CTNNA1: variants seen among roughly 807,000 people sequenced by gnomAD.
CTNNA1 encodes the protein catenin alpha-1.
Under a neutral mutation model 98.4 loss-of-function variants are expected in CTNNA1, and 37 were observed. That is an observed-to-expected ratio of 0.38 (90% confidence interval 0.29 to 0.49). CTNNA1 has a LOEUF of 0.49. Ranked by LOEUF, CTNNA1 falls within the 20% of genes least tolerant of loss-of-function variation. The pLI is 0.95. For synonymous variants in CTNNA1, 404 were observed against 413.2 expected (o/e 0.98, Z 0.27); for missense variants, 761 against 1,147.2 (o/e 0.66, Z 4.86).
intron 1 of CTNNA1, among the ~76,000 whole-genome samples, chr5:138,758,305 C>A (rs980921977): frequency 6.6e-6 from 1 of 150,468 alleles, no homozygotes; most frequent in Non-Finnish European, 1.5e-5. Flanking sequence ...GGGTTCATGC[C>A]GTTCTCCTGC....
intron 9 of CTNNA1, among the ~76,000 whole-genome samples, chr5:138,903,646 C>T (rs747815974): frequency 2.6e-5 from 4 of 152,070 alleles, no homozygotes; most frequent in African/African-American, 9.7e-5. Flanking sequence ...GATGGCTGGA[C>T]GGGAAGGTAA....
At chr5:138,848,346 T>A (rs943860391) in intron 7 of CTNNA1, among the ~76,000 whole-genome samples, 1 of 152,264 alleles carries the variant, frequency 6.6e-6, no homozygotes, top group African/African-American at 2.4e-5. Flanking sequence ...TTAACATTGC[T>A]ATAACTAATA....
chr5:138,778,382 A>G (rs538605612), intron 1 of CTNNA1, among the ~76,000 whole-genome samples: 2 of 152,300 alleles, frequency 1.3e-5, no homozygotes, highest in South Asian at 2.1e-4. Context: ...AGTTGAGGTT[A>G]TGTAATTTTC....
intron 5 of CTNNA1, among the ~76,000 whole-genome samples, chr5:138,812,963 C>T (rs929426190): frequency 6.6e-5 from 10 of 152,346 alleles, no homozygotes; most frequent in South Asian, 4.1e-4. Flanking sequence ...ATCAAGCTTA[C>T]GCTTTACATT....
chr5:138,930,984 A>C, intron 16 of CTNNA1, 49 bp downstream of exon 16: 1 of 1,227,028 alleles, frequency 8.1e-7, no homozygotes. Context: ...CCTGGGGCTC[A>C]GGCAGCCCAG....
At position 138,827,652 on chromosome 5, in the gene CTNNA1, A is replaced by G. The variant is rs1272529811; in HGVS notation, c.996A>G (p.Arg332=). Residue 332 remains arginine, a synonymous_variant, in exon 7 of 18, where the codon CGA becomes CGG. Coordinates refer to ENST00000302763, the MANE Select transcript of CTNNA1 (RefSeq NM_001903.5). ...GCACGCGTGATGACCGTCGTGAGCG[A>G]ATTGTGGCAGAGTGTAATGCTGTCC... ...SSCTRDDRRE[R]IVAECNAVRQ... is the part of the protein sequence containing the mutation. 4 of 1,614,090 alleles carry G rather than the reference A, an allele frequency of 2.5e-6. No homozygotes were observed. In the East Asian group the frequency reaches 8.9e-5, roughly 36 times the overall value.
At chr5:138,846,071 C>T (rs879292862) in intron 7 of CTNNA1, among the ~76,000 whole-genome samples, 2 of 152,056 alleles carry the variant, frequency 1.3e-5, no homozygotes, top group Non-Finnish European at 2.9e-5. Flanking sequence ...GGATTACAAG[C>T]GCCCACCACC....
Position 138,772,458 on chromosome 5 carries a change from T to C in CTNNA1, c.-2-9465T>C, listed in dbSNP as rs869312560. Among the ~76,000 whole-genome samples the C allele has an allele frequency of 1.9e-4, 29 of 152,232 alleles. No individual in the cohort carries two copies. The highest frequency in any genetic ancestry group is 5.3e-4 in the African/African-American group (22 of 41,462). Reference sequence around the variant, plus strand: ...GAAACTGTCAAGAGTTTAAAAGTTATTTGTTTAGTTACTCTGAACAATACC... The same window carrying C: ...GAAACTGTCAAGAGTTTAAAAGTTACTTGTTTAGTTACTCTGAACAATACC... On this transcript the variant is annotated intron_variant, in intron 1 of 17. Transcript: ENST00000302763.
intron 1 of CTNNA1, among the ~76,000 whole-genome samples, chr5:138,778,012 A>T (rs1211271972): frequency 9.4e-4 from 22 of 23,450 alleles, no homozygotes; most frequent in Non-Finnish European, 1.6e-3. Flanking sequence ...TTTTTTTTTT[A>T]AACAGAGTCT....
At chr5:138,900,642 T>G (rs1757833450) in intron 9 of CTNNA1, among the ~76,000 whole-genome samples, 1 of 152,094 alleles carries the variant, frequency 6.6e-6, no homozygotes, top group Non-Finnish European at 1.5e-5. Context: ...TTTAACAAAT[T>G]TTATGTAAGT....
intron 7 of CTNNA1, chr5:138,880,734 G>A (rs145446934): frequency 1.3e-3 from 344 of 271,086 alleles, no homozygotes; most frequent in African/African-American, 7.0e-3. Flanking sequence ...GAATTAAGAG[G>A]TAAGATACCC....
intron 7 of CTNNA1, among the ~76,000 whole-genome samples, chr5:138,856,686 T>C (rs898005170): frequency 1.3e-5 from 2 of 152,154 alleles, no homozygotes; most frequent in Non-Finnish European, 2.9e-5. Context: ...AGCTAGAAAT[T>C]ATTGTTTAAA....
At chr5:138,862,653 A>G (rs1275898197) in intron 7 of CTNNA1, among the ~76,000 whole-genome samples, 1 of 152,196 alleles carries the variant, frequency 6.6e-6, no homozygotes, top group African/African-American at 2.4e-5. Flanking sequence ...CATATCTAAT[A>G]TTATAGTACA....
intron 7 of CTNNA1, among the ~76,000 whole-genome samples, chr5:138,832,919 T>C (rs1429457972): frequency 6.6e-6 from 1 of 152,236 alleles, no homozygotes. Context: ...TCTGAAGGGC[T>C]CTATGCTTTA....
chr5:138,807,400 G>A (rs1758205675), intron 3 of CTNNA1, among the ~76,000 whole-genome samples: 1 of 151,846 alleles, frequency 6.6e-6, no homozygotes, highest in African/African-American at 2.4e-5. Context: ...TTTGAGGGAT[G>A]GGTTCATTTC....
chr5:138,837,507 CCCTCCT>C (rs1354848203), intron 7 of CTNNA1, among the ~76,000 whole-genome samples: 4 of 108,076 alleles, frequency 3.7e-5, no homozygotes, highest in African/African-American at 1.4e-4. Flanking sequence ...TTCCCCCTCC[CCCTCCT>C]CCCTCCCCTC....
intron 7 of CTNNA1, among the ~76,000 whole-genome samples, chr5:138,882,471 G>A (rs1753123241): frequency 6.6e-6 from 1 of 152,200 alleles, no homozygotes; most frequent in Admixed American, 6.5e-5. Flanking sequence ...TAGCGGAAGA[G>A]GTTATGTGGA....
intron 7 of CTNNA1, chr5:138,872,058 G>GTGTGTGTGTGTGTGTGTGTGTGTGTGTT (rs1750709447): frequency 2.0e-5 from 2 of 98,622 alleles, no homozygotes; most frequent in South Asian, 5.9e-4. Flanking sequence ...GTGTGTGTGT[G>GTGTGTGTGTGTGTGTGTGTGTGTGTGTT]TGTGTGTGTG....
At chr5:138,841,328 C>T (rs1392101975) in intron 7 of CTNNA1, among the ~76,000 whole-genome samples, 4 of 151,604 alleles carry the variant, frequency 2.6e-5, no homozygotes, top group Non-Finnish European at 5.9e-5. Context: ...GGTGTGATCT[C>T]GGCTGACTGC....
Sources: gnomAD v4.1 joint callset for allele counts (sites outside exome capture counted in the v4.1 genomes callset) on GRCh38, gnomAD v4.1.1 for gene constraint, MANE v1.5 for transcripts, NCBI Gene and HGNC (gene_info 2026-07-23, HGNC 2026-07-21) for gene names.